PDE1C: variants seen among roughly 807,000 people sequenced by gnomAD.
PDE1C encodes phosphodiesterase 1C.
PDE1C carries 62 observed loss-of-function variants against 93.1 expected under a neutral mutation model. The ratio of observed to expected loss-of-function variants is 0.67; its 90% CI spans 0.54 to 0.82. The LOEUF is 0.82. PDE1C is among the 40% of genes least tolerant of loss of function. The pLI is 0.00. For missense variants in PDE1C, 742 were observed against 884.6 expected, an observed-to-expected ratio of 0.84 and a Z score of 2.04; for synonymous variants, 325 against 310.1, an observed-to-expected ratio of 1.05 and a Z score of -0.50.
chr7:31,710,395 CA>C, the PDE1C span, among the ~76,000 whole-genome samples: 1 of 152,114 alleles, frequency 6.6e-6, no homozygotes, highest in Non-Finnish European at 1.5e-5. Flanking sequence ...CCTTTAAAAG[CA>C]GTTGGCTGAG....
the PDE1C span, among the ~76,000 whole-genome samples, chr7:31,630,329 T>C: frequency 6.6e-6 from 1 of 152,072 alleles, no homozygotes; most frequent in Non-Finnish European, 1.5e-5. Context: ...CTAAGTGTTT[T>C]ACATTATCTC....
At chr7:32,065,528 T>A (rs1383206222) in intron 1 of PDE1C, among the ~76,000 whole-genome samples, 1 of 152,186 alleles carries the variant, frequency 6.6e-6, no homozygotes, top group Admixed American at 6.5e-5. Context: ...GGTACTCATA[T>A]CAGTCTCTGC....
chr7:32,013,003 A>G (rs895188554), intron 2 of PDE1C, among the ~76,000 whole-genome samples: 7 of 152,224 alleles, frequency 4.6e-5, no homozygotes, highest in African/African-American at 1.7e-4. Flanking sequence ...TAACAACAAT[A>G]AAGTCCCTTG....
At chr7:31,670,281 C>T in the PDE1C span, among the ~76,000 whole-genome samples, 6 of 152,128 alleles carry the variant, frequency 3.9e-5, no homozygotes, top group Admixed American at 1.3e-4. Context: ...CCTTTGACCA[C>T]CATTCTGGTG....
chr7:31,666,565 C>A, the PDE1C span, among the ~76,000 whole-genome samples: 1 of 152,110 alleles, frequency 6.6e-6, no homozygotes, highest in Non-Finnish European at 1.5e-5. Flanking sequence ...GGATGTAAAT[C>A]TGCTTGGTTT....
the PDE1C span, among the ~76,000 whole-genome samples, chr7:31,694,387 A>AACACACACGCACACACACACAC: frequency 7.1e-6 from 1 of 141,600 alleles, no homozygotes; most frequent in Non-Finnish European, 1.5e-5. Context: ...CTCTCTCTCA[A>AACACACACGCACACACACACAC]ACACACACAC....
intron 9 of PDE1C, among the ~76,000 whole-genome samples, chr7:31,840,826 T>G (rs1791770417): frequency 6.6e-6 from 1 of 152,170 alleles, no homozygotes; most frequent in African/African-American, 2.4e-5. Context: ...AACTTAAGCA[T>G]GCTTGGAATC....
intron 9 of PDE1C, among the ~76,000 whole-genome samples, chr7:31,841,778 G>T (rs1791931915): frequency 6.6e-6 from 1 of 151,912 alleles, no homozygotes; most frequent in African/African-American, 2.4e-5. Context: ...TGAGGAAGTG[G>T]CTCACATAAT....
At chr7:32,194,813 T>C (rs1008989096) in intron 2 of PDE1C, among the ~76,000 whole-genome samples, 21 of 152,348 alleles carry the variant, frequency 1.4e-4, no homozygotes, top group South Asian at 4.1e-4. Flanking sequence ...TTTTATTTTT[T>C]ATTTCCTGTT....
intron 6 of PDE1C, among the ~76,000 whole-genome samples, chr7:31,869,932 ATAAAAC>A (rs1180399250): frequency 6.6e-6 from 1 of 152,150 alleles, no homozygotes; most frequent in Admixed American, 6.5e-5. Flanking sequence ...TCACAGTAAA[ATAAAAC>A]TAGAAATCAA....
chr7:31,686,837 G>A, the PDE1C span: 2 of 152,174 alleles, frequency 1.3e-5, no homozygotes, highest in East Asian at 3.9e-4. Context: ...CAGCAATAGT[G>A]ATTGAAAGTA....
At chr7:31,731,054 C>T in the PDE1C span, among the ~76,000 whole-genome samples, 15 of 151,938 alleles carry the variant, frequency 9.9e-5, no homozygotes, top group Admixed American at 7.2e-4. Flanking sequence ...TCCCAAGCTA[C>T]GTGCAGGGGG....
chr7:32,275,416 T>C (rs1413785698), intron 1 of PDE1C, among the ~76,000 whole-genome samples: 1 of 152,206 alleles, frequency 6.6e-6, no homozygotes, highest in Non-Finnish European at 1.5e-5. Flanking sequence ...GCACATCACC[T>C]GCATAGTCAC....
intron 1 of PDE1C, among the ~76,000 whole-genome samples, chr7:32,285,185 T>A (rs1411251949): frequency 1.3e-5 from 2 of 152,234 alleles, no homozygotes; most frequent in African/African-American, 4.8e-5. Flanking sequence ...GCTGCAGCGT[T>A]TGAGAACCAC....
the PDE1C span, among the ~76,000 whole-genome samples, chr7:31,720,128 A>G: frequency 7.4e-6 from 1 of 135,222 alleles, no homozygotes; most frequent in Admixed American, 8.3e-5. Flanking sequence ...GCGCCACTGC[A>G]GTCCGCAGTC....
chr7:32,078,018 A>G, intron 3 of PDE1C: 2 of 985,326 alleles, frequency 2.0e-6, no homozygotes, highest in Non-Finnish European at 2.4e-6. Context: ...CTCAGAATAC[A>G]CTGCCAACCC....
chr7:32,140,205 C>T (rs1800436830), intron 3 of PDE1C, among the ~76,000 whole-genome samples: 1 of 152,180 alleles, frequency 6.6e-6, no homozygotes, highest in Admixed American at 6.5e-5. Flanking sequence ...AAGCAAATTT[C>T]AAACTCCATT....
At chr7:31,857,582 G>A (rs1249518308) in intron 7 of PDE1C, among the ~76,000 whole-genome samples, 1 of 152,146 alleles carries the variant, frequency 6.6e-6, no homozygotes, top group Middle Eastern at 3.2e-3. Context: ...ACACTGAGAA[G>A]ACTGTTGCTG....
intron 9 of PDE1C, among the ~76,000 whole-genome samples, chr7:31,843,497 A>G (rs1583568775): frequency 6.6e-6 from 1 of 151,848 alleles, no homozygotes; most frequent in Non-Finnish European, 1.5e-5. Context: ...GCTAATATTA[A>G]TAACACCACT....
Sources: allele counts gnomAD v4.1 joint callset (sites outside exome capture counted in the v4.1 genomes callset), GRCh38; gene constraint gnomAD v4.1.1; transcripts MANE v1.5; gene names NCBI Gene and HGNC (gene_info 2026-07-23, HGNC 2026-07-21).